The following DNAJC1 variants were observed in gnomAD, a reference collection of about 807,000 sequenced individuals.
DNAJC1 encodes dnaJ homolog subfamily C member 1.
A neutral mutation model predicts 76.6 loss-of-function variants in DNAJC1; 58 were observed. The observed-to-expected ratio is 0.76, with a 90% CI of 0.61 to 0.94. DNAJC1 has a LOEUF of 0.94. Among genes scored for constraint, DNAJC1 ranks in the 40% least tolerant of loss-of-function variants. The pLI is 0.00. For synonymous variants in DNAJC1, 258 were observed against 267.9 expected (o/e 0.96, Z 0.36); for missense variants, 689 against 677.3 (o/e 1.02, Z -0.19).
At chr10:21,998,007 AT>A (rs34164311) in intron 1 of DNAJC1, among the ~76,000 whole-genome samples, 2 of 152,156 alleles carry the variant, frequency 1.3e-5, no homozygotes, top group Non-Finnish European at 2.9e-5. Flanking sequence ...CAATTCACAG[AT>A]TTTTTTAAAT....
At chr10:21,828,688 T>A (rs1334374156) in intron 8 of DNAJC1, among the ~76,000 whole-genome samples, 1 of 152,230 alleles carries the variant, frequency 6.6e-6, no homozygotes, top group Non-Finnish European at 1.5e-5. Flanking sequence ...ACTTCCTCCC[T>A]CCATATTACT....
intron 8 of DNAJC1, among the ~76,000 whole-genome samples, chr10:21,837,562 G>A (rs1290608644): frequency 1.4e-5 from 2 of 146,260 alleles, no homozygotes; most frequent in Non-Finnish European, 3.0e-5. Flanking sequence ...GCCTGGCCGC[G>A]ACCCCATATG....
At chr10:21,785,999 C>T (rs888584036) in intron 9 of DNAJC1, among the ~76,000 whole-genome samples, 2 of 152,130 alleles carry the variant, frequency 1.3e-5, no homozygotes, top group Non-Finnish European at 2.9e-5. Context: ...CTCCATTTAA[C>T]GTAGATCCAC....
At chr10:21,942,805 C>CA (rs540122534) in intron 1 of DNAJC1, among the ~76,000 whole-genome samples, 736 of 44,364 alleles carry the variant, frequency 0.017, 2 homozygotes, top group East Asian at 0.027. Context: ...GACTCCATCT[C>CA]AAAAAAAAAA....
intron 8 of DNAJC1, among the ~76,000 whole-genome samples, chr10:21,866,920 TG>T (rs1160915876): frequency 6.6e-6 from 1 of 152,088 alleles, no homozygotes; most frequent in Non-Finnish European, 1.5e-5. Context: ...AAAGAATCAA[TG>T]GGTCAAGAAA....
At chr10:21,879,196 G>GAT (rs1836232658) in intron 8 of DNAJC1, among the ~76,000 whole-genome samples, 1 of 152,178 alleles carries the variant, frequency 6.6e-6, no homozygotes, top group Non-Finnish European at 1.5e-5. Context: ...CATCACCTGT[G>GAT]ATAGTTCACT....
intron 1 of DNAJC1, among the ~76,000 whole-genome samples, chr10:21,951,358 C>T (rs1055063971): frequency 6.6e-6 from 1 of 151,282 alleles, no homozygotes; most frequent in Non-Finnish European, 1.5e-5. Context: ...TAAAATACTA[C>T]AGATGACACT....
In DNAJC1 at chr10:21,808,723, G is replaced by T. The variant is rs577708824; in HGVS notation, c.979-2624C>A. On this transcript the variant is annotated intron_variant, in intron 8 of 11. Coordinates refer to ENST00000376980, the MANE Select transcript of DNAJC1 (RefSeq NM_022365.4). ...AATGTACTCTCCCTCTTCTAATCTG[G>T]AGCCAACTGTAGCTGTGAAAGTCAA... 3.9e-5 allele frequency among the ~76,000 whole-genome samples: 6 copies of T among 152,264 alleles called. No individual in the cohort carries two copies. In the South Asian group the frequency reaches 1.2e-3, roughly 32 times the overall value.
At chr10:21,914,419 T>A (rs1233849957) in intron 6 of DNAJC1, among the ~76,000 whole-genome samples, 1 of 152,178 alleles carries the variant, frequency 6.6e-6, no homozygotes, top group Non-Finnish European at 1.5e-5. Context: ...CAGAACCACT[T>A]CATTTATTTT....
intron 8 of DNAJC1, among the ~76,000 whole-genome samples, chr10:21,862,314 G>A (rs554386473): frequency 6.6e-6 from 1 of 152,084 alleles, no homozygotes; most frequent in South Asian, 2.1e-4. Context: ...TGGGGTCTAG[G>A]ATCTGGACCT....
chr10:21,804,557 G>A (rs1834859720), intron 9 of DNAJC1, among the ~76,000 whole-genome samples: 1 of 147,932 alleles, frequency 6.8e-6, no homozygotes, highest in African/African-American at 2.5e-5. Flanking sequence ...TTAAAACCGA[G>A]ATAATAAAAC....
intron 8 of DNAJC1, among the ~76,000 whole-genome samples, chr10:21,848,072 A>C (rs1053269926): frequency 1.3e-5 from 2 of 152,316 alleles, no homozygotes; most frequent in Non-Finnish European, 2.9e-5. Context: ...CTTTCTCACC[A>C]ACAGTGAACT....
intron 1 of DNAJC1, among the ~76,000 whole-genome samples, chr10:21,985,571 T>C (rs947768851): frequency 1.3e-5 from 2 of 152,320 alleles, no homozygotes; most frequent in South Asian, 4.1e-4. Context: ...TCTCTATATA[T>C]TATTTGCCTT....
At chr10:21,833,177 G>A (rs766878315) in intron 8 of DNAJC1, among the ~76,000 whole-genome samples, 1 of 152,180 alleles carries the variant, frequency 6.6e-6, no homozygotes, top group Non-Finnish European at 1.5e-5. Flanking sequence ...CAGTGGTTAA[G>A]AGCATGAGTT....
chr10:21,775,938 A>G (rs1834450037), intron 9 of DNAJC1, among the ~76,000 whole-genome samples: 1 of 152,124 alleles, frequency 6.6e-6, no homozygotes, highest in African/African-American at 2.4e-5. Flanking sequence ...ACTGTGGTGG[A>G]ATATGTTTCA....
chr10:21,802,212 C>T (rs1357158467), intron 9 of DNAJC1, among the ~76,000 whole-genome samples: 1 of 152,140 alleles, frequency 6.6e-6, no homozygotes, highest in Non-Finnish European at 1.5e-5. Context: ...AAGAGAACTA[C>T]TGTAGCAGGA....
chr10:21,959,214 T>A (rs892579404), intron 1 of DNAJC1, among the ~76,000 whole-genome samples: 1 of 152,094 alleles, frequency 6.6e-6, no homozygotes, highest in Admixed American at 6.5e-5. Flanking sequence ...AACCTCTGCC[T>A]TCCGGGTTCA....
At chr10:21,796,433 T>C (rs1477497917) in intron 9 of DNAJC1, among the ~76,000 whole-genome samples, 1 of 152,190 alleles carries the variant, frequency 6.6e-6, no homozygotes, top group Non-Finnish European at 1.5e-5. Flanking sequence ...GAGATCTTGA[T>C]TTCACTTCTT....
chr10:21,765,063 A>T (rs1834282690), intron 10 of DNAJC1, among the ~76,000 whole-genome samples: 1 of 152,134 alleles, frequency 6.6e-6, no homozygotes, highest in Non-Finnish European at 1.5e-5. Context: ...TTTCAATGGT[A>T]TGATTTTGGA....
Sources: allele counts gnomAD v4.1 joint callset (sites outside exome capture counted in the v4.1 genomes callset), GRCh38; gene constraint gnomAD v4.1.1; transcripts MANE v1.5; gene names NCBI Gene and HGNC (gene_info 2026-07-23, HGNC 2026-07-21).